The following PREX2 variants were observed in gnomAD, a reference collection of about 807,000 sequenced individuals.
PREX2 encodes the protein phosphatidylinositol-3,4,5-trisphosphate dependent Rac exchange factor 2, also known as phosphatidylinositol 3,4,5-trisphosphate-dependent Rac exchanger 2 protein.
In PREX2, 107 loss-of-function variants were observed where a neutral mutation model predicts 203.2. The observed-to-expected ratio is 0.53, with a 90% CI of 0.45 to 0.62. The LOEUF (loss-of-function observed/expected upper bound fraction) is 0.62, where lower values mean the gene tolerates loss of function less well. Among genes scored for constraint, PREX2 ranks in the 20% least tolerant of loss-of-function variants. The pLI, the probability that PREX2 is intolerant of heterozygous loss-of-function variation, is 0.00. For missense variants in PREX2, 1,777 were observed against 1,955.9 expected, an observed-to-expected ratio of 0.91 and a Z score of 1.72; for synonymous variants, 672 against 663.6, an observed-to-expected ratio of 1.01 and a Z score of -0.19.
At chr8:67,970,880 A>C (rs527632050) in intron 1 of PREX2, among the ~76,000 whole-genome samples, 2 of 152,212 alleles carry the variant, frequency 1.3e-5, no homozygotes, top group South Asian at 4.2e-4. Context: ...TATTATTCTT[A>C]TATTTATTTA....
intron 37 of PREX2, among the ~76,000 whole-genome samples, chr8:68,198,492 T>G (rs1040030737): frequency 6.6e-6 from 1 of 152,226 alleles, no homozygotes; most frequent in African/African-American, 2.4e-5. Context: ...CTTTTATTTC[T>G]TATTGCAGCA....
chr8:68,220,029 G>A (rs1317588442), intron 38 of PREX2: 1 of 151,458 alleles, frequency 6.6e-6, no homozygotes, highest in Non-Finnish European at 1.5e-5. Context: ...ATATATTAGA[G>A]AATAATATTT....
intron 8 of PREX2, among the ~76,000 whole-genome samples, chr8:68,048,452 G>A (rs934414891): frequency 1.6e-4 from 25 of 152,042 alleles, no homozygotes; most frequent in East Asian, 7.7e-4. Context: ...CAATATATTC[G>A]TCAAATTCGA....
Position 68,134,236 on chromosome 8 carries a change from G to A in PREX2, c.3944G>A (p.Gly1315Asp), listed in dbSNP as rs768241048. The change falls in exon 32 of 40, where the codon GGT becomes GAT. Residue 1315 changes from glycine (G) to aspartate (D), a missense_variant. Gly to Asp is a moderately conservative substitution (Grantham distance 94). Coordinates refer to ENST00000288368, the MANE Select transcript of PREX2 (RefSeq NM_024870.4). ...RRWLDQIANA[G>D]VLFHFQSLLS... is the part of the protein sequence containing the mutation. ...TGGCTGGACCAGATAGCGAATGCAG[G>A]TGTTCTTTTTCACTTTCAGTCACTT... 1 of 1,614,098 alleles carries A rather than the reference G, an allele frequency of 6.2e-7. No homozygotes were observed. The highest frequency in any genetic ancestry group is 8.5e-7 in the Non-Finnish European group (1 of 1,179,988).
At chr8:67,995,205 T>G (rs1283072713) in intron 1 of PREX2, among the ~76,000 whole-genome samples, 1 of 152,164 alleles carries the variant, frequency 6.6e-6, no homozygotes, top group Non-Finnish European at 1.5e-5. Context: ...TAGAATCACT[T>G]GAGTTTTCAT....
At chr8:68,034,681 C>G (rs553667322) in intron 6 of PREX2, among the ~76,000 whole-genome samples, 3 of 152,116 alleles carry the variant, frequency 2.0e-5, no homozygotes, top group African/African-American at 4.8e-5. Flanking sequence ...AAATACAGTG[C>G]TACGGGACCA....
intron 35 of PREX2, among the ~76,000 whole-genome samples, chr8:68,184,074 A>G (rs745328172): frequency 1.0e-3 from 159 of 152,266 alleles, no homozygotes; most frequent in Non-Finnish European, 1.8e-3. Context: ...ACTTTAAGTA[A>G]AATGCATACC....
chr8:68,168,493 G>A (rs983249470), intron 35 of PREX2, among the ~76,000 whole-genome samples: 2 of 152,154 alleles, frequency 1.3e-5, no homozygotes, highest in East Asian at 3.9e-4. Context: ...ATTTTTAAAT[G>A]TACAATCTCC....
At chr8:67,962,455 G>A (rs995866381) in intron 1 of PREX2, among the ~76,000 whole-genome samples, 6 of 152,020 alleles carry the variant, frequency 3.9e-5, no homozygotes, top group South Asian at 2.1e-4. Flanking sequence ...TGTTAGTCCC[G>A]CACCCACATA....
chr8:68,127,459 A>C, intron 31 of PREX2, 40 bp downstream of exon 31: 1 of 1,459,918 alleles, frequency 6.8e-7, no homozygotes. Context: ...TATTTAAGTG[A>C]TTGTGGCCCA....
intron 5 of PREX2, 129 bp downstream of exon 5, chr8:68,027,452 A>C: frequency 1.5e-6 from 1 of 648,674 alleles, no homozygotes; most frequent in Non-Finnish European, 2.6e-6. Flanking sequence ...ATTGGAAAAA[A>C]GTGGCCATTT....
At position 68,069,084 on chromosome 8, in the gene PREX2, A is replaced by G; in HGVS notation, c.1391A>G (p.Tyr464Cys). 3.2e-6 allele frequency: 5 copies of G among 1,575,750 alleles called. No individual in the cohort carries two copies. Among genetic ancestry groups the G allele is most frequent in the Non-Finnish European group, 4.3e-6 (5 of 1,164,488 alleles). The change falls in exon 12 of 40, where the codon TAT becomes TGT. Residue 464 changes from tyrosine (Y) to cysteine (C), a missense_variant. Physicochemically the swap from Tyr to Cys is radical, Grantham distance 194. Coordinates refer to ENST00000288368, the MANE Select transcript of PREX2 (RefSeq NM_024870.4). ...GAACAGATGTTATATAGATTTCGCTATGATGATGGAACATTTTATCCAAGA... is the reference window on the plus strand; with the variant it reads ...GAACAGATGTTATATAGATTTCGCTGTGATGATGGAACATTTTATCCAAGA... ...KPEQMLYRFR[Y>C]DDGTFYPRNE... is the part of the protein sequence containing the mutation.
intron 11 of PREX2, among the ~76,000 whole-genome samples, chr8:68,066,590 T>A (rs1809022234): frequency 6.6e-6 from 1 of 152,120 alleles, no homozygotes; most frequent in Admixed American, 6.5e-5. Context: ...TGCATTGAAT[T>A]AATTTCTTAT....
chr8:68,014,160 G>C (rs1807345204), intron 1 of PREX2, among the ~76,000 whole-genome samples: 1 of 152,150 alleles, frequency 6.6e-6, no homozygotes, highest in African/African-American at 2.4e-5. Context: ...GGAGATTGCT[G>C]TCATCTTATT....
Position 68,018,021 on chromosome 8 carries a change from C to T in PREX2, c.213+104C>T, listed in dbSNP as rs1807455379. ...GCCCTTCAGTTGATCGGCAGTTCCA[C>T]TACAAGTTGCTGTTCCAGTCAGTTG... On this transcript the variant is annotated intron_variant, in intron 2 of 39. Transcript: ENST00000288368. 61 of 781,154 alleles carry T rather than the reference C, an allele frequency of 7.8e-5. 1 individual carries two copies. In the South Asian group the frequency reaches 9.0e-4, roughly 12 times the overall value. The allele number at this position is 781,154 out of a possible 1,614,324, so 48.4% of individuals were successfully genotyped here.
intron 36 of PREX2, 116 bp downstream of exon 36, chr8:68,191,904 G>T (rs1812301674): frequency 1.5e-6 from 1 of 688,378 alleles, no homozygotes; most frequent in African/African-American, 1.8e-5. Context: ...TAAGTAGGGA[G>T]CTAGTCTGTC....
chr8:68,009,361 T>C (rs1380381002), intron 1 of PREX2, among the ~76,000 whole-genome samples: 1 of 152,238 alleles, frequency 6.6e-6, no homozygotes, highest in Non-Finnish European at 1.5e-5. Flanking sequence ...TTTTCTTTCA[T>C]TGTGCTGTGT....
intron 1 of PREX2, among the ~76,000 whole-genome samples, chr8:67,988,704 C>A (rs1328206195): frequency 6.6e-6 from 1 of 152,174 alleles, no homozygotes; most frequent in Non-Finnish European, 1.5e-5. Context: ...AAGTTAGGGG[C>A]CTTCTCCTTG....
rs144855865 is a variant in PREX2, at chr8:68,210,654, T to C, written c.4605-6962T>C. On this transcript the variant is annotated intron_variant, in intron 37 of 39. Transcript: ENST00000288368. ...AAAATGCATTTCAGTCCTTGAGAGA[T>C]TGGCTTCCTTGCTCAGTACAGTTTG... Among the ~76,000 whole-genome samples the C allele has an allele frequency of 2.2e-3, 337 of 152,316 alleles. 3 individuals carry two copies. The highest frequency in any genetic ancestry group is 7.9e-3 in the African/African-American group (330 of 41,578).
Sources: allele counts gnomAD v4.1 joint callset (sites outside exome capture counted in the v4.1 genomes callset), GRCh38; gene constraint gnomAD v4.1.1; transcripts MANE v1.5; gene names NCBI Gene and HGNC (gene_info 2026-07-23, HGNC 2026-07-21).